COX10: variants seen among roughly 807,000 people sequenced by gnomAD.
COX10 encodes the protein cytochrome c oxidase assembly factor heme A:farnesyltransferase COX10.
In COX10, 27 loss-of-function variants were observed where a neutral mutation model predicts 37.3. The observed-to-expected ratio is 0.72, with a 90% confidence interval of 0.53 to 1.00. COX10 has a LOEUF of 1.00. Ranked by LOEUF, COX10 falls within the 50% of genes least tolerant of loss-of-function variation. COX10 has a pLI of 0.00. For missense variants in COX10, 475 were observed against 563.2 expected (o/e 0.84, Z 1.59); for synonymous variants, 222 against 229.1 (o/e 0.97, Z 0.28).
intron 4 of COX10, among the ~76,000 whole-genome samples, chr17:14,106,225 T>G (rs1244520676): frequency 6.6e-6 from 1 of 152,002 alleles, no homozygotes; most frequent in Admixed American, 6.6e-5. Flanking sequence ...CCATGTTGGC[T>G]AGACTGGTCT....
chr17:14,181,355 T>C lies in COX10; in HGVS notation c.696-10634T>C, dbSNP rs1020235337. On this transcript the variant is annotated intron_variant, in intron 5 of 6. Transcript: ENST00000261643. ...GCTGTGCCAGGCTGGTCCTTGTAGA[T>C]GTCTGCATTTGTAAACATGGTCCCT... Among the ~76,000 whole-genome samples, 141 of 151,670 alleles carry C rather than the reference T, an allele frequency of 9.3e-4. 1 individual carries two copies. Among genetic ancestry groups the C allele is most frequent in the Non-Finnish European group, 1.5e-3 (100 of 67,898 alleles).
intron 4 of COX10, among the ~76,000 whole-genome samples, chr17:14,128,542 G>C (rs1916393602): frequency 6.6e-6 from 1 of 152,074 alleles, no homozygotes; most frequent in Non-Finnish European, 1.5e-5. Flanking sequence ...TAGTAGCTTA[G>C]GGTGCAAATT....
rs531287479 is a variant in COX10 at position 14,167,395 on chromosome 17, C to T, written c.695+7448C>T. Among the ~76,000 whole-genome samples, 297 of 152,282 alleles carry T rather than the reference C, an allele frequency of 2.0e-3. 2 individuals carry two copies. The highest frequency in any genetic ancestry group is 6.6e-3 in the African/African-American group (274 of 41,556). On this transcript the variant is annotated intron_variant, in intron 5 of 6. Transcript: ENST00000261643. ...ATTAACTTGGTAGATAAAGCAGTGT[C>T]AGAGTTTGAGAAGACTAACTCCAAT...
intron 5 of COX10, 122 bp from the exon 6 acceptor site, chr17:14,191,867 G>A: frequency 4.1e-6 from 4 of 980,936 alleles, no homozygotes; most frequent in Non-Finnish European, 6.4e-6. Context: ...CCAGGAATCA[G>A]CCAGATCAGT....
chr17:14,095,630 A>T (rs947463789), intron 3 of COX10, among the ~76,000 whole-genome samples: 63 of 152,342 alleles, frequency 4.1e-4, no homozygotes, highest in African/African-American at 1.5e-3. Context: ...AAGTCCAGGC[A>T]TGATGTGTCT....
intron 6 of COX10, among the ~76,000 whole-genome samples, chr17:14,201,627 A>G (rs2529626): frequency 0.75 from 114,848 of 152,144 alleles, 43,800 homozygotes; most frequent in Admixed American, 0.82. Context: ...TATTTTAGCC[A>G]TTTTCCCAGC....
intron 5 of COX10, among the ~76,000 whole-genome samples, chr17:14,171,225 G>C (rs2257782): frequency 5.3e-5 from 8 of 152,288 alleles, no homozygotes; most frequent in South Asian, 2.1e-4. Context: ...TGTAGAAAAG[G>C]GTGCTAGTTC....
chr17:14,174,332 G>A (rs1470887898), intron 5 of COX10, among the ~76,000 whole-genome samples: 2 of 151,704 alleles, frequency 1.3e-5, no homozygotes, highest in African/African-American at 4.8e-5. Context: ...GGTGGCATGT[G>A]CCTGTAGTCC....
Position 14,207,368 on chromosome 17 carries a change from A to G in COX10, c.*155A>G, listed in dbSNP as rs1366258746. ...ACTTGACAGTTTTTTTTTTTTTTAA[A>G]TATTACCCAAAATGCTCCCCAAATA... On this transcript the variant is annotated 3_prime_UTR_variant, in exon 7 of 7. Coordinates refer to ENST00000261643, the MANE Select transcript of COX10 (RefSeq NM_001303.4). 1.0e-6 allele frequency: 1 copy of G among 954,174 alleles called. No individual in the cohort carries two copies. The allele number at this position is 954,174 out of a possible 1,614,324, so 59.1% of individuals were successfully genotyped here. A position where few individuals can be genotyped will look rare whatever the true frequency, so the allele number is the denominator to read the frequency against.
At chr17:14,071,080 C>A (rs1469970359) in intron 1 of COX10, among the ~76,000 whole-genome samples, 1 of 152,154 alleles carries the variant, frequency 6.6e-6, no homozygotes, top group East Asian at 1.9e-4. Context: ...TTACATTCTA[C>A]CATACCTGAC....
chr17:14,106,554 T>A (rs1029223043), intron 4 of COX10, among the ~76,000 whole-genome samples: 2 of 152,218 alleles, frequency 1.3e-5, no homozygotes, highest in Non-Finnish European at 2.9e-5. Context: ...TAAGAAAAAC[T>A]ACTTCAAGTA....
At chr17:14,160,813 T>C (rs1220328307) in intron 5 of COX10, among the ~76,000 whole-genome samples, 4 of 152,296 alleles carry the variant, frequency 2.6e-5, no homozygotes, top group African/African-American at 7.2e-5. Flanking sequence ...TGAAAAGATA[T>C]AAGAACAAAA....
chr17:14,201,820 G>A (rs1906548906), intron 6 of COX10, among the ~76,000 whole-genome samples: 1 of 152,180 alleles, frequency 6.6e-6, no homozygotes, highest in South Asian at 2.1e-4. Flanking sequence ...AGCTGGGGCT[G>A]GGCTTCTCTG....
intron 6 of COX10, among the ~76,000 whole-genome samples, chr17:14,200,919 T>C (rs1285224196): frequency 6.6e-6 from 1 of 152,184 alleles, no homozygotes; most frequent in Non-Finnish European, 1.5e-5. Context: ...TTCCCTGACC[T>C]CTCAAGGCTG....
intron 4 of COX10, among the ~76,000 whole-genome samples, chr17:14,108,056 T>G (rs1314698354): frequency 6.6e-6 from 1 of 152,202 alleles, no homozygotes; most frequent in African/African-American, 2.4e-5. Flanking sequence ...TAGTTATTCA[T>G]TTATATCTCT....
At chr17:14,085,159 C>T (rs991841770) in intron 3 of COX10, among the ~76,000 whole-genome samples, 1 of 151,914 alleles carries the variant, frequency 6.6e-6, no homozygotes, top group Non-Finnish European at 1.5e-5. Flanking sequence ...TGGGGATAAT[C>T]CTCCCTGAAA....
At chr17:14,104,152 C>T (rs1196409576) in intron 4 of COX10, among the ~76,000 whole-genome samples, 1 of 152,044 alleles carries the variant, frequency 6.6e-6, no homozygotes, top group East Asian at 1.9e-4. Flanking sequence ...TCTTTTTGTA[C>T]CCCTCATATT....
intron 6 of COX10, among the ~76,000 whole-genome samples, chr17:14,202,554 A>G (rs542067141): frequency 6.6e-6 from 1 of 152,112 alleles, no homozygotes; most frequent in Non-Finnish European, 1.5e-5. Context: ...TGTTGTAAGG[A>G]TTCGAAAGCA....
chr17:14,180,524 A>C (rs1026836440), intron 5 of COX10, among the ~76,000 whole-genome samples: 1 of 152,174 alleles, frequency 6.6e-6, no homozygotes, highest in Non-Finnish European at 1.5e-5. Context: ...CATGAGAAAA[A>C]AGAAAGCATT....
Sources: gnomAD v4.1 joint callset for allele counts (sites outside exome capture counted in the v4.1 genomes callset) on GRCh38, gnomAD v4.1.1 for gene constraint, MANE v1.5 for transcripts, NCBI Gene and HGNC (gene_info 2026-07-23, HGNC 2026-07-21) for gene names.